EPM2A: variants seen among roughly 807,000 people sequenced by gnomAD.
The protein encoded by EPM2A is laforin.
Under a neutral mutation model 26.5 loss-of-function variants are expected in EPM2A, and 21 were observed. That is an observed-to-expected ratio of 0.79 (90% CI 0.56 to 1.14). The LOEUF (loss-of-function observed/expected upper bound fraction) is 1.14, where lower values mean the gene tolerates loss of function less well. Ranked by LOEUF, EPM2A falls within the 50% of genes most tolerant of loss-of-function variation. EPM2A has a pLI of 0.00. For missense variants in EPM2A, 458 were observed against 440.8 expected (o/e 1.04, Z -0.35); for synonymous variants, 217 against 177.6 (o/e 1.22, Z -1.76).
At chr6:145,431,182 G>C (rs1338309081) in intron 4 of EPM2A, among the ~76,000 whole-genome samples, 1 of 152,184 alleles carries the variant, frequency 6.6e-6, no homozygotes, top group Non-Finnish European at 1.5e-5. Flanking sequence ...AAACATTGCT[G>C]TTTTACAGAC....
At chr6:145,497,335 T>C (rs1201910336), downstream of EPM2A, among the ~76,000 whole-genome samples, 1 of 152,230 alleles carries the variant, frequency 6.6e-6, no homozygotes, top group East Asian at 1.9e-4. Context: ...AGTCCCTAGT[T>C]GCCTCAGATT....
chr6:145,547,860 C>T (rs447818), intron 2 of EPM2A, among the ~76,000 whole-genome samples: 69,670 of 151,728 alleles, frequency 0.46, 15,968 homozygotes, highest in South Asian at 0.59. Flanking sequence ...AAGATATTTA[C>T]TTTCCTTTTA....
intron 1 of EPM2A, 141 bp from the exon 2 acceptor site, chr6:145,686,437 A>C: frequency 1.4e-6 from 1 of 706,734 alleles, no homozygotes. Context: ...ATAAACAAAA[A>C]AGACTAGAGT....
intron 2 of EPM2A, among the ~76,000 whole-genome samples, chr6:145,509,562 C>T (rs1780024828): frequency 6.6e-6 from 1 of 152,164 alleles, no homozygotes; most frequent in Non-Finnish European, 1.5e-5. Flanking sequence ...TAGCACTAGA[C>T]TGGCCCTATA....
chr6:145,671,239 T>G, intron 2 of EPM2A: 1 of 1,051,056 alleles, frequency 9.5e-7, no homozygotes, highest in Non-Finnish European at 1.2e-6. Flanking sequence ...GTATACATAC[T>G]TATTAAAAAT....
intron 4 of EPM2A, among the ~76,000 whole-genome samples, chr6:145,466,788 A>G (rs1276295954): frequency 1.3e-5 from 2 of 152,218 alleles, no homozygotes; most frequent in African/African-American, 4.8e-5. Flanking sequence ...TGTGGCATAT[A>G]TACACCATGG....
At chr6:145,568,708 T>C (rs1030624918) in intron 2 of EPM2A, among the ~76,000 whole-genome samples, 3 of 152,152 alleles carry the variant, frequency 2.0e-5, no homozygotes, top group African/African-American at 7.2e-5. Flanking sequence ...GTGCTATCCC[T>C]TTTCAAACAT....
intron 2 of EPM2A, among the ~76,000 whole-genome samples, chr6:145,573,958 C>G (rs1254541615): frequency 1.3e-5 from 2 of 152,160 alleles, no homozygotes; most frequent in African/African-American, 4.8e-5. Context: ...CAGTAGTCCC[C>G]TAAATGTCTG....
intron 4 of EPM2A, among the ~76,000 whole-genome samples, chr6:145,494,607 T>C (rs570100108): frequency 4.6e-5 from 7 of 152,174 alleles, no homozygotes; most frequent in Non-Finnish European, 1.0e-4. Context: ...TTCTATCTTT[T>C]TGATATGGGC....
Position 145,515,507 on chromosome 6 carries a change from G to A in EPM2A, c.341-12932C>T, listed in dbSNP as rs547019949. Among the ~76,000 whole-genome samples the A allele has an allele frequency of 3.9e-5, 6 of 152,260 alleles. No homozygotes were observed. In the East Asian group the frequency reaches 1.2e-3, roughly 29 times the overall value. ...AAGATGCTGAAAGACCCTGTGTCTG[G>A]TGACAGGCACACTTCCTCATACACA... On this transcript the variant is annotated intron_variant, in intron 2 of 3. Coordinates refer to the EPM2A transcript ENST00000450221.
intron 4 of EPM2A, among the ~76,000 whole-genome samples, chr6:145,467,227 TA>T (rs1779410502): frequency 6.6e-6 from 1 of 152,142 alleles, no homozygotes; most frequent in African/African-American, 2.4e-5. Flanking sequence ...ACTTTATGTA[TA>T]ATTGTTTGGT....
chr6:145,414,508 T>A (rs1731051028), intron 4 of EPM2A, among the ~76,000 whole-genome samples: 2 of 152,050 alleles, frequency 1.3e-5, no homozygotes, highest in African/African-American at 4.8e-5. Context: ...TATCTCTAGA[T>A]TTTTCCCCGT....
downstream of EPM2A, among the ~76,000 whole-genome samples, chr6:145,499,171 C>G (rs541040464): frequency 3.9e-5 from 6 of 152,280 alleles, no homozygotes; most frequent in Non-Finnish European, 8.8e-5. Context: ...TGCTCTCACT[C>G]AAGATGAAGA....
chr6:145,393,198 A>G (rs903099520), intron 4 of EPM2A, among the ~76,000 whole-genome samples: 1 of 152,114 alleles, frequency 6.6e-6, no homozygotes, highest in Non-Finnish European at 1.5e-5. Flanking sequence ...CTACCTCTCA[A>G]AAACAACAGA....
chr6:145,672,623 C>T (rs1300494017), intron 2 of EPM2A, among the ~76,000 whole-genome samples: 1 of 152,230 alleles, frequency 6.6e-6, no homozygotes, highest in African/African-American at 2.4e-5. Flanking sequence ...ACTTTCCCTC[C>T]CCAGTCCTAG....
At chr6:145,422,720 T>A (rs1468392648) in intron 4 of EPM2A, among the ~76,000 whole-genome samples, 1 of 152,130 alleles carries the variant, frequency 6.6e-6, no homozygotes, top group East Asian at 1.9e-4. Flanking sequence ...TCAGTTTTAT[T>A]GGCAGTACAA....
intron 1 of EPM2A, among the ~76,000 whole-genome samples, chr6:145,695,017 T>C (rs1460955177): frequency 2.0e-5 from 3 of 151,986 alleles, no homozygotes; most frequent in Non-Finnish European, 4.4e-5. Flanking sequence ...AAATAGTCTT[T>C]TGCTTGAAAG....
intron 3 of EPM2A, among the ~76,000 whole-genome samples, chr6:145,632,667 C>G (rs1230639489): frequency 6.6e-6 from 1 of 152,218 alleles, no homozygotes; most frequent in African/African-American, 2.4e-5. Context: ...AAACTGTCTT[C>G]TTTCTCAGAC....
At position 145,615,718 on chromosome 6, in the gene EPM2A, G is replaced by C. The variant is rs931135194; in HGVS notation, c.340+19527C>G. On this transcript the variant is annotated intron_variant, in intron 2 of 3. Transcript: ENST00000450221. ...CCAAGCTGAGGTGGTCTCACATGGA[G>C]ATGAGGAACTTGTTGGGATCTGGAG... Among the ~76,000 whole-genome samples the C allele has an allele frequency of 3.2e-4, 49 of 152,066 alleles. 2 individuals are homozygous for C. Among genetic ancestry groups the C allele is most frequent in the Admixed American group, 1.7e-3 (26 of 15,278 alleles).
Sources: gnomAD v4.1 joint callset for allele counts (sites outside exome capture counted in the v4.1 genomes callset) on GRCh38, gnomAD v4.1.1 for gene constraint, MANE v1.5 for transcripts, NCBI Gene and HGNC (gene_info 2026-07-23, HGNC 2026-07-21) for gene names.